The following RB1 variants were observed in gnomAD, a reference collection of about 807,000 sequenced individuals.
RB1 encodes the protein RB transcriptional corepressor 1, also known as retinoblastoma-associated protein.
Under a neutral mutation model 135.4 loss-of-function variants are expected in RB1, and 18 were observed. That is an observed-to-expected ratio of 0.13 (90% CI 0.09 to 0.20). The LOEUF (loss-of-function observed/expected upper bound fraction) is 0.20. Ranked by LOEUF, RB1 falls within the 10% of genes least tolerant of loss-of-function variation. The pLI is 1.00. For synonymous variants in RB1, 365 were observed against 373.2 expected (o/e 0.98, Z 0.25); for missense variants, 868 against 1,110.0 (o/e 0.78, Z 3.10).
chr13:48,381,594 GA>G (rs1948536810), intron 17 of RB1, 151 bp downstream of exon 17: 2 of 793,420 alleles, frequency 2.5e-6, no homozygotes, highest in South Asian at 3.3e-5. Flanking sequence ...GGATCAAGTG[GA>G]ATATTAGAAT....
intron 17 of RB1, among the ~76,000 whole-genome samples, chr13:48,451,324 T>G (rs1949325827): frequency 6.6e-6 from 1 of 152,082 alleles, no homozygotes; most frequent in Non-Finnish European, 1.5e-5. Flanking sequence ...TTGTTCAGAG[T>G]TTTTAACATT....
intron 1 of RB1, 57 bp from the exon 2 acceptor site, chr13:48,307,223 C>G (rs2138033530): frequency 7.0e-7 from 1 of 1,435,586 alleles, no homozygotes; most frequent in African/African-American, 1.4e-5. Flanking sequence ...CAAGTATGTA[C>G]TGAATCAATT....
At chr13:48,470,571 ATT>A (rs945433411) in intron 23 of RB1, among the ~76,000 whole-genome samples, 1 of 19,842 alleles carries the variant, frequency 5.0e-5, no homozygotes, top group African/African-American at 1.1e-4. Context: ...ATGGGATCTA[ATT>A]AAACTCAAGA....
chr13:48,310,928 A>G (rs1028756081), intron 2 of RB1, among the ~76,000 whole-genome samples: 8 of 152,180 alleles, frequency 5.3e-5, no homozygotes, highest in South Asian at 2.1e-4. Context: ...TATGCTGATT[A>G]TAGCATATGA....
chr13:48,306,596 A>G (rs1952082753), intron 1 of RB1, among the ~76,000 whole-genome samples: 2 of 152,238 alleles, frequency 1.3e-5, no homozygotes, highest in South Asian at 4.1e-4. Context: ...GTCTACTTTT[A>G]CAGATGAGAA....
rs143192933 is a variant in RB1 at position 48,354,729 on chromosome 13, C to A, written c.608-5288C>A. ...ACTGGCATAAAAGCAGATACATAGA[C>A]CAGTGGAACAGAACAGAGAGCCCAG... is the stretch of plus-strand genomic sequence containing the variant. On this transcript the variant is annotated intron_variant, in intron 6 of 26. Coordinates refer to ENST00000267163, the MANE Select transcript of RB1 (RefSeq NM_000321.3). 1.4e-4 allele frequency among the ~76,000 whole-genome samples: 21 copies of A among 151,962 alleles called. No individual in the cohort carries two copies. The East Asian group carries it at 3.7e-3, about 27-fold the overall frequency.
At chr13:48,380,021 T>G in intron 14 of RB1, 32 bp from the exon 15 acceptor site, 1 of 1,224,126 alleles carries the variant, frequency 8.2e-7, no homozygotes, top group Non-Finnish European at 1.1e-6. Flanking sequence ...ATTAAACAAC[T>G]TCTTTTTTTT....
Position 48,319,097 on chromosome 13 carries a change from C to T in RB1, c.264+11691C>T, listed in dbSNP as rs1952212270. On this transcript the variant is annotated intron_variant, in intron 2 of 26. Coordinates refer to ENST00000267163, the MANE Select transcript of RB1 (RefSeq NM_000321.3). This position sits in a 1 kb window ranked among gnomAD's most constrained non-coding sequence, Gnocchi z 5.0. The stretch of plus-strand genomic sequence containing the variant: ...CGAGGACCGTTCTACAAACTCGTTC[C>T]TGGAAGCCGGGCTCGCTGGAGGCGG... 51 of 614,446 alleles carry T rather than the reference C, an allele frequency of 8.3e-5. 1 individual carries two copies. The highest frequency in any genetic ancestry group is 7.6e-4 in the South Asian group (50 of 65,924). 38.1% of individuals were successfully genotyped at this position (614,446 alleles called of 1,614,324 possible).
At chr13:48,331,945 A>G (rs1952340852) in intron 2 of RB1, among the ~76,000 whole-genome samples, 1 of 152,228 alleles carries the variant, frequency 6.6e-6, no homozygotes, top group Non-Finnish European at 1.5e-5. Flanking sequence ...AAAATATCTT[A>G]AGTTAAAATT....
intron 17 of RB1, chr13:48,429,304 ACTCTGTAGGC>A (rs916882654): frequency 1.3e-5 from 2 of 152,174 alleles, no homozygotes; most frequent in Non-Finnish European, 2.9e-5. Context: ...AGTCCCAGCT[ACTCTGTAGGC>A]TGAGGTGGGA....
intron 4 of RB1, among the ~76,000 whole-genome samples, chr13:48,345,974 A>G (rs920289466): frequency 1.3e-5 from 2 of 151,988 alleles, no homozygotes; most frequent in East Asian, 1.9e-4. Flanking sequence ...TTTTTTGACC[A>G]CTAAAACTTC....
intron 6 of RB1, among the ~76,000 whole-genome samples, chr13:48,354,650 C>T (rs957887159): frequency 6.6e-5 from 10 of 151,190 alleles, no homozygotes; most frequent in East Asian, 3.9e-4. Flanking sequence ...AGAAAGACGA[C>T]GTTGCTTGAC....
Position 48,362,946 on chromosome 13 carries a change from A to G in RB1, c.850A>G (p.Asn284Asp), listed in dbSNP as rs761609284. Reference sequence around the variant, plus strand: ...AGTTCTCTGTAAAGAACATGAATGTAATATAGATGAGGTAATTTAACTTCA... The same window carrying G: ...AGTTCTCTGTAAAGAACATGAATGTGATATAGATGAGGTAATTTAACTTCA... ...IEVLCKEHEC[N>D]IDEVKNVYFK... Residue 284 changes from asparagine to aspartate, a missense_variant, in exon 8 of 27, where the codon AAT (asparagine) becomes GAT (aspartate). Coordinates refer to ENST00000267163, the MANE Select transcript of RB1 (RefSeq NM_000321.3). 1.6e-5 allele frequency: 25 copies of G among 1,612,728 alleles called. No individual in the cohort carries two copies. Among genetic ancestry groups the G allele is most frequent in the Non-Finnish European group, 2.0e-5 (23 of 1,178,932 alleles).
intron 23 of RB1, 140 bp from the exon 24 acceptor site, chr13:48,473,220 A>G (rs1949483082): frequency 3.1e-6 from 2 of 645,418 alleles, no homozygotes; most frequent in Non-Finnish European, 5.4e-6. Flanking sequence ...CCAAATGAAT[A>G]TAGTTTGTCA....
At chr13:48,321,544 T>A (rs182367610) in intron 2 of RB1, among the ~76,000 whole-genome samples, 3 of 152,000 alleles carry the variant, frequency 2.0e-5, no homozygotes, top group Non-Finnish European at 4.4e-5. Context: ...CTTGGCCATT[T>A]GTGTATCTTC....
At chr13:48,404,317 A>C (rs1385882518) in intron 17 of RB1, 1 of 152,102 alleles carries the variant, frequency 6.6e-6, no homozygotes, top group East Asian at 1.9e-4. Context: ...AATACAACAA[A>C]GTATTGTACT....
rs544780360 is a variant in RB1, at chr13:48,340,092, G to A, written c.265-2507G>A. ...CAACAAATAATGCTGGAGCAATTGG[G>A]TATCCAAATGCAGAAAATGAACTTC... is the stretch of plus-strand genomic sequence containing the variant. On this transcript the variant is annotated intron_variant, in intron 2 of 26. Transcript: ENST00000267163. Among the ~76,000 whole-genome samples, 844 of 152,196 alleles carry A rather than the reference G, an allele frequency of 5.5e-3. 5 individuals are homozygous for A. The highest frequency in any genetic ancestry group is 0.01 in the Middle Eastern group (3 of 294).
rs1305030228 is a variant in RB1 at position 48,472,886 on chromosome 13, G to A, written c.2490-474G>A. ...AAATTATATGGTTCAAATAAAGACA[G>A]ACTAATAAAGATTTCTGACTCTATG... On this transcript the variant is annotated intron_variant, in intron 23 of 26. Transcript: ENST00000267163. 4.6e-5 allele frequency among the ~76,000 whole-genome samples: 7 copies of A among 152,088 alleles called. No individual in the cohort carries two copies. The East Asian group carries it at 1.3e-3, about 29-fold the overall frequency.
At chr13:48,431,928 A>T (rs1041882417) in intron 17 of RB1, among the ~76,000 whole-genome samples, 6 of 152,124 alleles carry the variant, frequency 3.9e-5, no homozygotes, top group African/African-American at 1.2e-4. Context: ...ATTGAGTGTA[A>T]CTGTGTACCA....
Sources: gnomAD v4.1 joint callset for allele counts (sites outside exome capture counted in the v4.1 genomes callset) on GRCh38, gnomAD v4.1.1 for gene constraint, Gnocchi (gnomAD v3.1) non-coding constraint, MANE v1.5 for transcripts, NCBI Gene and HGNC (gene_info 2026-07-23, HGNC 2026-07-21) for gene names.